ADGRV1: variants seen among roughly 807,000 people sequenced by gnomAD.
ADGRV1 encodes the protein G-protein coupled receptor 98.
In ADGRV1, 359 loss-of-function variants were observed where a neutral mutation model predicts 596.2. The ratio of observed to expected loss-of-function variants is 0.60; its 90% CI spans 0.55 to 0.66. The LOEUF is 0.66. Among genes scored for constraint, ADGRV1 ranks in the 30% least tolerant of loss-of-function variants. The pLI, the probability that ADGRV1 is intolerant of heterozygous loss-of-function variation, is 0.00. For synonymous variants in ADGRV1, 2,681 were observed against 2,679.2 expected (o/e 1.00, Z -0.02); for missense variants, 7,274 against 7,575.6 (o/e 0.96, Z 1.48).
chr5:90,627,060 G>T, intron 6 of ADGRV1, 151 bp from the exon 7 acceptor site: 1 of 480,774 alleles, frequency 2.1e-6, no homozygotes, highest in Non-Finnish European at 3.6e-6. Context: ...TTATTAATTG[G>T]AGACTAAACA....
At chr5:90,890,746 A>G (rs1016325672) in intron 83 of ADGRV1, among the ~76,000 whole-genome samples, 11 of 152,118 alleles carry the variant, frequency 7.2e-5, no homozygotes, top group Non-Finnish European at 1.5e-4. Context: ...TTGGCCCCCA[A>G]ATTGTTAAAT....
intron 87 of ADGRV1, among the ~76,000 whole-genome samples, chr5:91,146,845 G>C (rs1260977853): frequency 6.6e-6 from 1 of 152,104 alleles, no homozygotes; most frequent in Non-Finnish European, 1.5e-5. Context: ...CTAGATTTCA[G>C]CATCACTTAA....
Position 90,788,174 on chromosome 5 carries a change from AAGG to A in ADGRV1, c.13763_13765del (p.Gly4588del), listed in dbSNP as rs762979804. 3 of 1,613,856 alleles carry A rather than the reference AAGG, an allele frequency of 1.9e-6. No homozygotes were observed. The South Asian group carries it at 3.3e-5, about 18-fold the overall frequency. ...GGGTTGTTCTATTTTGGAGAAGGAG[AAGG>A]AGGAGTGAGAACCATAATTCTGACA... On this transcript the variant is annotated inframe_deletion, in exon 68 of 90. Coordinates refer to ENST00000405460, the MANE Select transcript of ADGRV1 (RefSeq NM_032119.4).
rs794727821 is a variant in ADGRV1, at chr5:90,777,922, G to A, written c.12545G>A (p.Gly4182Glu). 15 of 1,611,086 alleles carry A rather than the reference G, an allele frequency of 9.3e-6. No individual in the cohort carries two copies. The highest frequency in any genetic ancestry group is 1.3e-5 in the African/African-American group (1 of 74,870). ...TAIISLVRGP[G>E]ILGEVTVFWR... ...TGTTGTAGCCTTGTTCGAGGCCCAG[G>A]GATTTTGGGGGAGGTCACAGTGTTC... The change falls in exon 62 of 90, where the codon GGG becomes GAG. Residue 4182 changes from glycine to glutamate, a missense_variant. Physicochemically the swap from Gly to Glu is moderately conservative, Grantham distance 98. Coordinates refer to ENST00000405460, the MANE Select transcript of ADGRV1 (RefSeq NM_032119.4).
chr5:91,164,098 G>C lies in ADGRV1; in HGVS notation c.*198G>C, dbSNP rs775285599. 13 of 671,220 alleles carry C rather than the reference G, an allele frequency of 1.9e-5. No individual in the cohort carries two copies. The highest frequency in any genetic ancestry group is 7.6e-4 in the Middle Eastern group (2 of 2,620). The allele number at this position is 671,220 out of a possible 1,614,324, so 41.6% of individuals were successfully genotyped here. ...AATTCACTGCTATAAGAAAGGTGGA[G>C]TCAGTTTGTATCAGTTAATAGGATG... On this transcript the variant is annotated 3_prime_UTR_variant, in exon 90 of 90. Transcript: ENST00000405460.
chr5:90,666,773 G>A (rs1380326417), intron 21 of ADGRV1, among the ~76,000 whole-genome samples: 4 of 151,432 alleles, frequency 2.6e-5, no homozygotes, highest in East Asian at 1.9e-4. Context: ...CATGTTTAGC[G>A]CTTCCTTCAG....
chr5:90,760,978 A>G (rs1053159040), intron 58 of ADGRV1, among the ~76,000 whole-genome samples: 2 of 152,220 alleles, frequency 1.3e-5, no homozygotes, highest in African/African-American at 2.4e-5. Context: ...AGCCATAAAA[A>G]TATTTAGATA....
Position 90,653,827 on chromosome 5 carries a change from A to G in ADGRV1, c.4253A>G (p.Tyr1418Cys). 6.2e-7 allele frequency: 1 copy of G among 1,613,192 alleles called. No individual in the cohort carries two copies. The highest frequency in any genetic ancestry group is 8.5e-7 in the Non-Finnish European group (1 of 1,179,564). Residue 1418 changes from tyrosine (Y) to cysteine (C), a missense_variant, in exon 20 of 90, where the codon TAT becomes TGT. Tyr to Cys is a radical substitution (Grantham distance 194, BLOSUM62 -2). Coordinates refer to ENST00000405460, the MANE Select transcript of ADGRV1 (RefSeq NM_032119.4). ...ATTGCCAAGACAACAGTCATGAAAT[A>G]TTTAGAAGAAAGTGTTTGGCTTCAT... ...TYIAKTTVMK[Y>C]LEESVWLHLL...
At chr5:90,963,906 A>G (rs889109664) in intron 83 of ADGRV1, among the ~76,000 whole-genome samples, 2 of 151,488 alleles carry the variant, frequency 1.3e-5, no homozygotes, top group Admixed American at 6.6e-5. Context: ...TTATAGTAAT[A>G]AATTATTGGT....
At chr5:90,874,441 ATTCTGTCTCCTT>A (rs1045038137) in intron 83 of ADGRV1, among the ~76,000 whole-genome samples, 2 of 152,102 alleles carry the variant, frequency 1.3e-5, no homozygotes, top group African/African-American at 4.8e-5. Context: ...CATGTATTGT[ATTCTGTCTCCTT>A]TTCCCCTTTC....
chr5:90,838,756 A>G (rs1765179262), intron 77 of ADGRV1, among the ~76,000 whole-genome samples: 1 of 152,126 alleles, frequency 6.6e-6, no homozygotes, highest in African/African-American at 2.4e-5. Flanking sequence ...TATTGACTCT[A>G]AGCTGAGCGT....
intron 83 of ADGRV1, among the ~76,000 whole-genome samples, chr5:90,902,564 T>A (rs553169831): frequency 3.3e-5 from 5 of 152,280 alleles, no homozygotes; most frequent in Admixed American, 2.6e-4. Context: ...TATATGCGCA[T>A]CAATATAAGT....
chr5:91,121,102 A>G (rs540171292), intron 87 of ADGRV1, among the ~76,000 whole-genome samples: 42 of 152,286 alleles, frequency 2.8e-4, no homozygotes, highest in Non-Finnish European at 4.9e-4. Context: ...TCAACCCTGG[A>G]AGAGGAGGCT....
chr5:91,026,541 CT>C (rs1300298158), intron 85 of ADGRV1, among the ~76,000 whole-genome samples: 1 of 152,098 alleles, frequency 6.6e-6, no homozygotes, highest in East Asian at 1.9e-4. Context: ...GTAGACATGA[CT>C]TTGGATTGGT....
intron 85 of ADGRV1, among the ~76,000 whole-genome samples, chr5:90,987,527 T>A (rs1780597503): frequency 6.6e-6 from 1 of 151,660 alleles, no homozygotes; most frequent in Non-Finnish European, 1.5e-5. Flanking sequence ...GCATTACAGG[T>A]TACTTTTCTC....
rs771447233 is a variant in ADGRV1 at position 90,810,752 on chromosome 5, C to T, written c.15492C>T (p.Ser5164=). 6.2e-7 allele frequency: 1 copy of T among 1,613,932 alleles called. No homozygotes were observed. The highest frequency in any genetic ancestry group is 8.5e-7 in the Non-Finnish European group (1 of 1,179,890). Residue 5164 remains serine, a synonymous_variant, in exon 74 of 90, where the codon AGC becomes AGT. Transcript: ENST00000405460. ...ETESTTYLST[S]KTTTILQPTN... ...AATCCACCACATACCTCAGCACAAG[C>T]AAGACGACTACCATTCTGCAGCCAA...
intron 85 of ADGRV1, among the ~76,000 whole-genome samples, chr5:90,997,197 C>T (rs1306727706): frequency 6.6e-6 from 1 of 152,038 alleles, no homozygotes; most frequent in Non-Finnish European, 1.5e-5. Flanking sequence ...GTTATGTATC[C>T]CCACTCAAAT....
Position 90,627,376 on chromosome 5 carries a change from A to T in ADGRV1, c.838A>T (p.Ile280Leu), listed in dbSNP as rs772896545. 1.2e-6 allele frequency: 2 copies of T among 1,613,982 alleles called. No individual in the cohort carries two copies. Among genetic ancestry groups the T allele is most frequent in the Admixed American group, 3.3e-5 (2 of 60,022 alleles). The change falls in exon 7 of 90, where the codon ATA (isoleucine) becomes TTA (leucine). Residue 280 changes from isoleucine (I) to leucine (L), a missense_variant. Ile to Leu is a conservative substitution (Grantham distance 5). Transcript: ENST00000405460. ...GGTTCCTGAGGAAGACCACATACTC[A>T]TAATTCCAGTAGTTCGTGGAAAGGA... is the stretch of plus-strand genomic sequence containing the variant. ...YLVPEEDHILIIPVVRGKDNN... is the reference protein window; with the variant it reads ...YLVPEEDHILLIPVVRGKDNN...
chr5:91,046,249 A>G (rs970200229), intron 85 of ADGRV1, among the ~76,000 whole-genome samples: 5 of 152,160 alleles, frequency 3.3e-5, no homozygotes, highest in African/African-American at 1.2e-4. Flanking sequence ...GAGGCATCAC[A>G]TTACCTGATT....
Sources: gnomAD v4.1 joint callset for allele counts (sites outside exome capture counted in the v4.1 genomes callset) on GRCh38, gnomAD v4.1.1 for gene constraint, MANE v1.5 for transcripts, NCBI Gene and HGNC (gene_info 2026-07-23, HGNC 2026-07-21) for gene names.